The following DIS3L2 variants were observed in gnomAD, a reference collection of about 807,000 sequenced individuals.
The protein encoded by DIS3L2 is DIS3 like 3'-5' exoribonuclease 2, also known as DIS3-like exonuclease 2.
Under a neutral mutation model 97.5 loss-of-function variants are expected in DIS3L2, and 34 were observed. That is an observed-to-expected ratio of 0.35 (90% confidence interval 0.27 to 0.46). DIS3L2 has a LOEUF of 0.46. DIS3L2 is among the 20% of genes least tolerant of loss of function. DIS3L2 has a pLI of 1.00. For synonymous variants in DIS3L2, 435 were observed against 445.2 expected, an observed-to-expected ratio of 0.98 and a Z score of 0.29; for missense variants, 1,038 against 1,146.0, an observed-to-expected ratio of 0.91 and a Z score of 1.36.
intron 8 of DIS3L2, among the ~76,000 whole-genome samples, chr2:232,157,917 C>A (rs1690541603): frequency 6.6e-6 from 1 of 152,180 alleles, no homozygotes; most frequent in South Asian, 2.1e-4. Context: ...ACAGTGGGAG[C>A]CTTTCACTGT....
intron 14 of DIS3L2, among the ~76,000 whole-genome samples, chr2:232,309,645 C>T (rs1490981919): frequency 4.6e-5 from 7 of 152,162 alleles, no homozygotes; most frequent in South Asian, 4.1e-4. Flanking sequence ...CTCCCACCTG[C>T]GGCCCAGTTT....
At chr2:232,005,440 C>T (rs1375633489) in intron 1 of DIS3L2, among the ~76,000 whole-genome samples, 1 of 152,146 alleles carries the variant, frequency 6.6e-6, no homozygotes, top group African/African-American at 2.4e-5. Flanking sequence ...TACTGACCTC[C>T]ACCTGTGGTC....
intron 13 of DIS3L2, among the ~76,000 whole-genome samples, chr2:232,294,486 C>T (rs960356707): frequency 2.0e-5 from 3 of 152,188 alleles, no homozygotes; most frequent in Admixed American, 6.5e-5. Context: ...AACAGCATAC[C>T]ATCATCCTGG....
chr2:232,053,765 C>T (rs934660102), intron 5 of DIS3L2, among the ~76,000 whole-genome samples: 1 of 152,058 alleles, frequency 6.6e-6, no homozygotes, highest in Non-Finnish European at 1.5e-5. Flanking sequence ...GCTGCCACAC[C>T]CTCTTGAAGT....
chr2:232,326,510 A>G (rs1157407250), intron 14 of DIS3L2, among the ~76,000 whole-genome samples: 1 of 152,112 alleles, frequency 6.6e-6, no homozygotes, highest in Non-Finnish European at 1.5e-5. Context: ...ACTCCTACTC[A>G]TAGCCTACCT....
chr2:232,260,483 C>T (rs1559179735), intron 12 of DIS3L2: 1 of 152,262 alleles, frequency 6.6e-6, no homozygotes, highest in Non-Finnish European at 1.5e-5. Flanking sequence ...GCCCACAGCA[C>T]ACACATGCTT....
At chr2:232,103,562 G>A (rs1697264560) in intron 6 of DIS3L2, among the ~76,000 whole-genome samples, 1 of 152,174 alleles carries the variant, frequency 6.6e-6, no homozygotes, top group Admixed American at 6.5e-5. Context: ...GTCATGGTAT[G>A]TAGCATGCAT....
intron 6 of DIS3L2, among the ~76,000 whole-genome samples, chr2:232,125,038 G>A (rs1698016138): frequency 6.6e-6 from 1 of 151,964 alleles, no homozygotes; most frequent in Non-Finnish European, 1.5e-5. Flanking sequence ...ATACACACAC[G>A]GCTTTCCTCC....
chr2:232,255,594 A>G (rs1693538479), intron 12 of DIS3L2, among the ~76,000 whole-genome samples: 1 of 152,150 alleles, frequency 6.6e-6, no homozygotes. Flanking sequence ...TTTTTAGCAT[A>G]TTTCTCACAT....
At chr2:232,282,579 A>G (rs1399552712) in intron 13 of DIS3L2, among the ~76,000 whole-genome samples, 1 of 152,188 alleles carries the variant, frequency 6.6e-6, no homozygotes, top group East Asian at 1.9e-4. Flanking sequence ...AGATTTCCAT[A>G]GCTAGTCATA....
downstream of DIS3L2, among the ~76,000 whole-genome samples, chr2:232,340,202 A>G (rs545328052): frequency 2.6e-5 from 4 of 152,322 alleles, no homozygotes; most frequent in South Asian, 4.1e-4. Flanking sequence ...AGGAGCAAAC[A>G]GCACTTTTGG....
intron 5 of DIS3L2, among the ~76,000 whole-genome samples, chr2:232,033,875 T>G (rs898445826): frequency 2.0e-5 from 3 of 152,164 alleles, no homozygotes; most frequent in African/African-American, 7.2e-5. Context: ...TTTGCTAGTA[T>G]TTTATTGAGG....
chr2:232,006,251 C>T (rs948578363), intron 1 of DIS3L2, among the ~76,000 whole-genome samples: 75 of 152,080 alleles, frequency 4.9e-4, no homozygotes, highest in Non-Finnish European at 1.5e-4. Flanking sequence ...GTAGGTGAAA[C>T]GTGGAGTGAA....
At chr2:232,131,765 T>C (rs577626051) in intron 7 of DIS3L2, 1 of 152,196 alleles carries the variant, frequency 6.6e-6, no homozygotes, top group African/African-American at 2.4e-5. Context: ...TGCTCTTGCA[T>C]ACTGACATGA....
chr2:232,021,958 C>T (rs1463130714), intron 3 of DIS3L2, among the ~76,000 whole-genome samples: 2 of 152,074 alleles, frequency 1.3e-5, no homozygotes, highest in Admixed American at 6.5e-5. Context: ...ATGGGATCCT[C>T]ACTGATCAAG....
chr2:232,123,535 A>G (rs1044555809), intron 6 of DIS3L2, among the ~76,000 whole-genome samples: 3 of 150,520 alleles, frequency 2.0e-5, no homozygotes, highest in African/African-American at 4.9e-5. Context: ...CTCCCCATCT[A>G]TGCTCTACAC....
intron 5 of DIS3L2, among the ~76,000 whole-genome samples, chr2:232,056,555 T>G (rs930141707): frequency 6.6e-6 from 1 of 152,016 alleles, no homozygotes; most frequent in Non-Finnish European, 1.5e-5. Flanking sequence ...TAACTAGAAT[T>G]TATAAAGAAT....
intron 1 of DIS3L2, among the ~76,000 whole-genome samples, 181 bp downstream of exon 1, chr2:231,961,946 C>G (rs542271649): frequency 6.6e-6 from 1 of 152,338 alleles, no homozygotes; most frequent in East Asian, 1.9e-4. Context: ...TTCCCTGTCC[C>G]GCATCTCCCT....
chr2:232,205,234 A>ATG (rs1487789668), intron 9 of DIS3L2, among the ~76,000 whole-genome samples: 1 of 138,658 alleles, frequency 7.2e-6, no homozygotes, highest in Non-Finnish European at 1.6e-5. Flanking sequence ...ATATATATAT[A>ATG]TATAAAATGC....
Sources: allele counts gnomAD v4.1 joint callset (sites outside exome capture counted in the v4.1 genomes callset), GRCh38; gene constraint gnomAD v4.1.1; transcripts MANE v1.5; gene names NCBI Gene and HGNC (gene_info 2026-07-23, HGNC 2026-07-21).